The following SVIL variants were observed in gnomAD, a reference collection of about 807,000 sequenced individuals.
SVIL encodes supervillin, also known as archvillin.
A neutral mutation model predicts 240.4 loss-of-function variants in SVIL; 101 were observed. The observed-to-expected ratio is 0.42, with a 90% CI of 0.36 to 0.50. The LOEUF is 0.50. Among genes scored for constraint, SVIL ranks in the 20% least tolerant of loss-of-function variants. SVIL has a pLI of 0.01. For synonymous variants in SVIL, 999 were observed against 1,100.0 expected (o/e 0.91, Z 1.82); for missense variants, 2,512 against 2,818.7 (o/e 0.89, Z 2.46).
At chr10:29,688,168 A>C (rs889109388) in intron 1 of SVIL, among the ~76,000 whole-genome samples, 1 of 152,254 alleles carries the variant, frequency 6.6e-6, no homozygotes, top group African/African-American at 2.4e-5. Flanking sequence ...GCTTCTGAAT[A>C]TAAATGAAAA....
In SVIL at chr10:29,564,961, C is replaced by T. The variant is rs576115812; in HGVS notation, c.-142-1669G>A. On this transcript the variant is annotated intron_variant, in intron 2 of 37. Coordinates refer to ENST00000355867, the MANE Select transcript of SVIL (RefSeq NM_021738.3). ...AAATTAAATAATGGCAGAAATGTAC[C>T]CGACTTAAGGAATGGCGTGTTATTT... is the stretch of plus-strand genomic sequence containing the variant. Among the ~76,000 whole-genome samples the T allele has an allele frequency of 2.0e-5, 3 of 152,210 alleles. No homozygotes were observed. In the East Asian group the frequency reaches 5.8e-4, roughly 29 times the overall value.
chr10:29,591,681 T>C lies in SVIL; in HGVS notation c.-200-22369A>G, dbSNP rs117349922. On this transcript the variant is annotated intron_variant, in intron 1 of 37. Coordinates refer to ENST00000355867, the MANE Select transcript of SVIL (RefSeq NM_021738.3). ...AACTGACAGCCTGAGAACTATCATGTTCCTAAATACGTGAGTCCTTCCAGC... is the reference window on the plus strand; with the variant it reads ...AACTGACAGCCTGAGAACTATCATGCTCCTAAATACGTGAGTCCTTCCAGC... Among the ~76,000 whole-genome samples, 30 of 152,364 alleles carry C rather than the reference T, an allele frequency of 2.0e-4. No homozygotes were observed. In the East Asian group the frequency reaches 4.0e-3, roughly 21 times the overall value.
chr10:29,605,004 C>T (rs2479692), intron 1 of SVIL, among the ~76,000 whole-genome samples: 1 of 151,988 alleles, frequency 6.6e-6, no homozygotes, highest in African/African-American at 2.4e-5. Context: ...AGGATAAGGG[C>T]GGGAATACTG....
Position 29,735,328 on chromosome 10 carries a change from T to A in SVIL, c.-400+423A>T, listed in dbSNP as rs1316026218. Among the ~76,000 whole-genome samples the A allele has an allele frequency of 6.6e-6, 1 of 151,988 alleles. No homozygotes were observed. The highest frequency in any genetic ancestry group is 1.5e-5 in the Non-Finnish European group (1 of 67,948). The stretch of plus-strand genomic sequence containing the variant: ...GGAAAGGAACCGGGCGATGTCGTAG[T>A]TCTGATCACTGGCGCGCCACTCCCC... On this transcript the variant is annotated intron_variant, in intron 1 of 35. Transcript: ENST00000375400. The surrounding 1 kb of genome is among the most constrained non-coding windows in gnomAD (Gnocchi z 4.1).
chr10:29,686,982 C>T (rs1363229397), intron 1 of SVIL, among the ~76,000 whole-genome samples: 1 of 152,174 alleles, frequency 6.6e-6, no homozygotes, highest in Non-Finnish European at 1.5e-5. Flanking sequence ...TCAAGACCCC[C>T]AAACTCCTTA....
intron 32 of SVIL, among the ~76,000 whole-genome samples, chr10:29,469,341 AGT>A (rs772292629): frequency 6.6e-6 from 1 of 152,096 alleles, no homozygotes; most frequent in Non-Finnish European, 1.5e-5. Context: ...CTCTCTGGGT[AGT>A]GTGTTTTCAG....
At chr10:29,581,629 C>T (rs1257653971) in intron 1 of SVIL, among the ~76,000 whole-genome samples, 3 of 152,206 alleles carry the variant, frequency 2.0e-5, no homozygotes, top group Admixed American at 1.3e-4. Flanking sequence ...TTATTGCAAT[C>T]ACCTAAAAGA....
At chr10:29,611,562 G>T (rs1957243555) in intron 1 of SVIL, among the ~76,000 whole-genome samples, 1 of 152,108 alleles carries the variant, frequency 6.6e-6, no homozygotes, top group Admixed American at 6.5e-5. Context: ...ACATTTTTTA[G>T]CATTCTAGAA....
At chr10:29,632,682 G>T (rs191216871) in intron 1 of SVIL, among the ~76,000 whole-genome samples, 17 of 152,204 alleles carry the variant, frequency 1.1e-4, no homozygotes, top group African/African-American at 4.1e-4. Flanking sequence ...CAAGCTGAGC[G>T]CATTAACCAA....
intron 27 of SVIL, chr10:29,483,972 A>C (rs1947147088): frequency 6.6e-6 from 1 of 152,220 alleles, no homozygotes; most frequent in Non-Finnish European, 1.5e-5. Context: ...CCCATAGTTA[A>C]AAAGCACTAG....
chr10:29,503,854 A>G (rs191674306), intron 17 of SVIL, among the ~76,000 whole-genome samples: 114 of 152,314 alleles, frequency 7.5e-4, no homozygotes, highest in African/African-American at 2.6e-3. Context: ...CTGATCTTAA[A>G]GTTTACATGG....
chr10:29,480,952 G>T, intron 28 of SVIL, 139 bp from the exon 29 acceptor site: 2 of 1,061,522 alleles, frequency 1.9e-6, no homozygotes, highest in South Asian at 1.5e-5. Flanking sequence ...TTTAACTGCA[G>T]TCAGGGAAAG....
intron 31 of SVIL, 126 bp downstream of exon 31, chr10:29,471,012 C>G: frequency 1.2e-6 from 1 of 860,510 alleles, no homozygotes; most frequent in Non-Finnish European, 1.9e-6. Context: ...AGGCAAACAT[C>G]AGGAGGCTTT....
intron 17 of SVIL, among the ~76,000 whole-genome samples, chr10:29,505,693 G>C (rs191836866): frequency 6.6e-6 from 1 of 152,162 alleles, no homozygotes; most frequent in African/African-American, 2.4e-5. Flanking sequence ...ATAATGACGC[G>C]TCAACGTAGG....
intron 6 of SVIL, among the ~76,000 whole-genome samples, chr10:29,540,765 C>G (rs192700651): frequency 6.6e-5 from 10 of 152,276 alleles, no homozygotes; most frequent in African/African-American, 2.4e-4. Context: ...CTCTCTAGTG[C>G]CGTTTCCACC....
intron 1 of SVIL, among the ~76,000 whole-genome samples, chr10:29,623,408 A>T (rs1161256488): frequency 6.6e-6 from 1 of 152,218 alleles, no homozygotes. Context: ...CAGATTGTCC[A>T]GTTCTACTGG....
intron 1 of SVIL, among the ~76,000 whole-genome samples, chr10:29,721,377 T>C (rs969198000): frequency 1.3e-5 from 2 of 152,140 alleles, no homozygotes; most frequent in Non-Finnish European, 2.9e-5. Flanking sequence ...TATTGATAGT[T>C]ACATTAAACG....
intron 6 of SVIL, among the ~76,000 whole-genome samples, chr10:29,549,983 T>A (rs191323776): frequency 0.025 from 3,116 of 123,562 alleles, 153 homozygotes; most frequent in African/African-American, 0.096. Context: ...GTAACTAACC[T>A]GCACATTGTG....
At chr10:29,509,675 C>T (rs924421555) in intron 17 of SVIL, among the ~76,000 whole-genome samples, 1 of 151,694 alleles carries the variant, frequency 6.6e-6, no homozygotes, top group African/African-American at 2.4e-5. Context: ...GTGGAGAAAC[C>T]CCGTCTCTAC....
Sources: gnomAD v4.1 joint callset for allele counts (sites outside exome capture counted in the v4.1 genomes callset) on GRCh38, gnomAD v4.1.1 for gene constraint, Gnocchi (gnomAD v3.1) non-coding constraint, MANE v1.5 for transcripts, NCBI Gene and HGNC (gene_info 2026-07-23, HGNC 2026-07-21) for gene names.